Variants in EPB41L4B observed in about 807,000 individuals in gnomAD.
The protein encoded by EPB41L4B is erythrocyte membrane protein band 4.1 like 4B.
Under a neutral mutation model 112.5 loss-of-function variants are expected in EPB41L4B, and 30 were observed. The ratio of observed to expected loss-of-function variants is 0.27; its 90% CI spans 0.20 to 0.36. The LOEUF is 0.36. Among genes scored for constraint, EPB41L4B ranks in the 10% least tolerant of loss-of-function variants. The pLI, the probability that EPB41L4B is intolerant of heterozygous loss-of-function variation, is 1.00. For synonymous variants in EPB41L4B, 408 were observed against 439.7 expected (o/e 0.93, Z 0.90); for missense variants, 1,024 against 1,133.3 (o/e 0.90, Z 1.38).
At chr9:109,256,057 C>T in intron 9 of EPB41L4B, 79 bp downstream of exon 9, 1 of 1,335,698 alleles carries the variant, frequency 7.5e-7, no homozygotes, top group Non-Finnish European at 1.1e-6. Context: ...TGCAGATACC[C>T]CTCAATAATC....
intron 4 of EPB41L4B, among the ~76,000 whole-genome samples, chr9:109,265,268 G>A (rs1030439988): frequency 1.8e-4 from 28 of 152,230 alleles, no homozygotes; most frequent in Admixed American, 2.6e-4. Context: ...AGGATGGAAC[G>A]TGATACACGT....
At chr9:109,239,932 T>C in intron 15 of EPB41L4B, 11 of 985,408 alleles carry the variant, frequency 1.1e-5, no homozygotes, top group Non-Finnish European at 1.2e-5. Flanking sequence ...AGGACAACCT[T>C]CACCAGAGTT....
intron 15 of EPB41L4B, among the ~76,000 whole-genome samples, chr9:109,230,215 G>A (rs1833908146): frequency 6.6e-6 from 1 of 152,216 alleles, no homozygotes; most frequent in Non-Finnish European, 1.5e-5. Context: ...AAGAGGAGCA[G>A]AAAGACCAAG....
rs912420965 is a variant in EPB41L4B at position 109,250,190 on chromosome 9, A to G, written c.1310+1291T>C. On this transcript the variant is annotated intron_variant, in intron 13 of 25. Transcript: ENST00000374566. ...TTTGGAAAAACACTGATCTAGCCCA[A>G]CCTCCTGATTTGCAAAAAAGAAAAC... Among the ~76,000 whole-genome samples, 12 of 151,986 alleles carry G rather than the reference A, an allele frequency of 7.9e-5. No homozygotes were observed. In the East Asian group the frequency reaches 1.7e-3, roughly 22 times the overall value.
intron 15 of EPB41L4B, among the ~76,000 whole-genome samples, chr9:109,224,543 T>C (rs1833696708): frequency 6.6e-6 from 1 of 152,096 alleles, no homozygotes; most frequent in Non-Finnish European, 1.5e-5. Flanking sequence ...CTAGGGAGGA[T>C]GGTGGACGGG....
At chr9:109,250,192 C>A (rs1358352007) in intron 13 of EPB41L4B, among the ~76,000 whole-genome samples, 1 of 152,180 alleles carries the variant, frequency 6.6e-6, no homozygotes, top group South Asian at 2.1e-4. Flanking sequence ...CTAGCCCAAC[C>A]TCCTGATTTG....
rs1429521565 is a variant in EPB41L4B at position 109,217,075 on chromosome 9, T to A, written c.1480A>T (p.Thr494Ser). 4.3e-6 allele frequency: 7 copies of A among 1,614,220 alleles called. No individual in the cohort carries two copies. The highest frequency in any genetic ancestry group is 5.9e-6 in the Non-Finnish European group (7 of 1,180,046). ...CCTGAAGCTGCGGTGAGGAACGGTG[T>A]GCCCCCATTCTCCTCAATGCCAAAA... is the stretch of plus-strand genomic sequence containing the variant. ...LPFGIEENGG[T>S]PFLTAASGRH... Residue 494 changes from threonine (T) to serine (S), a missense_variant, in exon 16 of 26, where the codon ACA (threonine) becomes TCA (serine). Transcript: ENST00000374566.
intron 15 of EPB41L4B, among the ~76,000 whole-genome samples, chr9:109,234,261 C>G (rs983286763): frequency 6.6e-6 from 1 of 152,170 alleles, no homozygotes; most frequent in African/African-American, 2.4e-5. Flanking sequence ...TAAATATGCA[C>G]ATACCTTTTA....
intron 22 of EPB41L4B, among the ~76,000 whole-genome samples, chr9:109,188,403 C>G (rs1832343895): frequency 6.6e-6 from 1 of 152,140 alleles, no homozygotes; most frequent in Non-Finnish European, 1.5e-5. Context: ...GGCCTCCAAA[C>G]AGAATGTTGT....
chr9:109,284,593 T>G lies in EPB41L4B; in HGVS notation c.307-4672A>C, dbSNP rs59274473. ...ACACTGGGCTAATTTTAAAATATTT[T>G]GTAGAGGCGGGGTCTTGCTATGTTG... On this transcript the variant is annotated intron_variant, in intron 1 of 25. Transcript: ENST00000374566. Among the ~76,000 whole-genome samples, 960 of 152,258 alleles carry G rather than the reference T, an allele frequency of 6.3e-3. 24 individuals are homozygous for G. The East Asian group carries it at 0.094, about 15-fold the overall frequency.
At chr9:109,218,123 A>ATT (rs769374986) in intron 15 of EPB41L4B, among the ~76,000 whole-genome samples, 7 of 79,670 alleles carry the variant, frequency 8.8e-5, no homozygotes, top group East Asian at 3.8e-4. Context: ...AATACTAATA[A>ATT]TTCTTTTTTT....
intron 1 of EPB41L4B, among the ~76,000 whole-genome samples, chr9:109,306,273 T>C (rs943945656): frequency 1.1e-4 from 17 of 152,162 alleles, no homozygotes; most frequent in African/African-American, 4.1e-4. Flanking sequence ...CTGTAAAACA[T>C]TGTTTCTCAA....
At chr9:109,242,722 C>T (rs745643121) in intron 15 of EPB41L4B, among the ~76,000 whole-genome samples, 1 of 152,000 alleles carries the variant, frequency 6.6e-6, no homozygotes, top group African/African-American at 2.4e-5. Context: ...AGGCTAGCAA[C>T]CTCACCTTTA....
intron 1 of EPB41L4B, among the ~76,000 whole-genome samples, chr9:109,298,980 CA>C (rs1412231199): frequency 6.6e-6 from 1 of 152,124 alleles, no homozygotes; most frequent in Non-Finnish European, 1.5e-5. Context: ...CCTAGAGAAG[CA>C]AAAATAGGAG....
chr9:109,268,322 C>G, intron 3 of EPB41L4B, 69 bp downstream of exon 3: 1 of 1,421,632 alleles, frequency 7.0e-7, no homozygotes. Flanking sequence ...CATAACACCT[C>G]AAAACACTGG....
rs1178246985 is a variant in EPB41L4B at position 109,256,158 on chromosome 9, T to C, written c.907A>G (p.Asn303Asp). Reference sequence around the variant, plus strand: ...TACCAAAAGAATAAGCCTATTTTGTTAGCTCCTTCAAAGATTAATATGCCT... The same window carrying C: ...TACCAAAAGAATAAGCCTATTTTGTCAGCTCCTTCAAAGATTAATATGCCT... ...PTGILIFEGA[N>D]KIGLFFWPKI... The change falls in exon 9 of 26, where the codon AAC becomes GAC. Residue 303 changes from asparagine (N) to aspartate (D), a missense_variant. By Grantham distance (23) the Asn-to-Asp change is conservative (BLOSUM62 1). Transcript: ENST00000374566. 1 of 1,613,996 alleles carries C rather than the reference T, an allele frequency of 6.2e-7. No individual in the cohort carries two copies. Among genetic ancestry groups the C allele is most frequent in the South Asian group, 1.1e-5 (1 of 91,078 alleles).
chr9:109,279,007 A>G (rs1835936372), intron 2 of EPB41L4B, among the ~76,000 whole-genome samples: 1 of 152,122 alleles, frequency 6.6e-6, no homozygotes, highest in Non-Finnish European at 1.5e-5. Context: ...GGAACCTGCA[A>G]GATGGTTCTC....
chr9:109,310,269 A>G (rs1361130162), intron 1 of EPB41L4B, among the ~76,000 whole-genome samples: 1 of 150,570 alleles, frequency 6.6e-6, no homozygotes, highest in Admixed American at 6.6e-5. Context: ...CAAAACTAAC[A>G]TGATATTGTT....
At chr9:109,281,266 T>C (rs1836025395) in intron 1 of EPB41L4B, among the ~76,000 whole-genome samples, 1 of 151,984 alleles carries the variant, frequency 6.6e-6, no homozygotes, top group Non-Finnish European at 1.5e-5. Flanking sequence ...AATTTAAAAA[T>C]GGACAGAGGG....
Sources: allele counts gnomAD v4.1 joint callset (sites outside exome capture counted in the v4.1 genomes callset), GRCh38; gene constraint gnomAD v4.1.1; transcripts MANE v1.5; gene names NCBI Gene and HGNC (gene_info 2026-07-23, HGNC 2026-07-21).